Variants in LTBP1 observed in about 807,000 individuals in gnomAD.
LTBP1 encodes the protein latent transforming growth factor beta binding protein 1.
In LTBP1, 129 loss-of-function variants were observed where a neutral mutation model predicts 207.6. The observed-to-expected ratio is 0.62, with a 90% CI of 0.54 to 0.72. LTBP1 has a LOEUF of 0.72. LTBP1 is among the 30% of genes least tolerant of loss of function. The pLI is 0.00. For synonymous variants in LTBP1, 963 were observed against 833.7 expected, an observed-to-expected ratio of 1.16 and a Z score of -2.67; for missense variants, 2,281 against 2,217.2, an observed-to-expected ratio of 1.03 and a Z score of -0.58.
At chr2:33,392,824 G>T (rs963640912) in intron 32 of LTBP1, among the ~76,000 whole-genome samples, 2 of 149,432 alleles carry the variant, frequency 1.3e-5, no homozygotes, top group Admixed American at 1.3e-4. Flanking sequence ...TATTGTCGTA[G>T]ATTAAGTCTT....
chr2:33,180,140 T>A (rs2086469350), intron 5 of LTBP1, among the ~76,000 whole-genome samples: 1 of 152,246 alleles, frequency 6.6e-6, no homozygotes, highest in Non-Finnish European at 1.5e-5. Flanking sequence ...CTTGGACAGG[T>A]TGTTCTGGAT....
At chr2:33,392,619 G>A (rs1243490688) in intron 32 of LTBP1, among the ~76,000 whole-genome samples, 2 of 152,220 alleles carry the variant, frequency 1.3e-5, no homozygotes, top group Non-Finnish European at 2.9e-5. Flanking sequence ...TACAAAAATA[G>A]GTAGCAGGCC....
At chr2:33,226,398 G>C (rs544094087) in intron 9 of LTBP1, among the ~76,000 whole-genome samples, 1 of 152,160 alleles carries the variant, frequency 6.6e-6, no homozygotes, top group Admixed American at 6.5e-5. Flanking sequence ...AGGGTTTTTG[G>C]CTCTGCTCAG....
intron 7 of LTBP1, among the ~76,000 whole-genome samples, chr2:33,216,006 C>A (rs1379718538): frequency 1.3e-5 from 2 of 152,188 alleles, no homozygotes; most frequent in South Asian, 2.1e-4. Flanking sequence ...AGCCACCATG[C>A]CTGGCCCCTC....
At chr2:33,006,122 A>C (rs1686827929) in intron 2 of LTBP1, among the ~76,000 whole-genome samples, 1 of 151,810 alleles carries the variant, frequency 6.6e-6, no homozygotes, top group South Asian at 2.1e-4. Context: ...CATAGTATTT[A>C]AGAGATCGTG....
At chr2:33,338,519 T>C (rs1209346367) in intron 24 of LTBP1, among the ~76,000 whole-genome samples, 4 of 152,186 alleles carry the variant, frequency 2.6e-5, no homozygotes, top group East Asian at 1.9e-4. Context: ...TGAGGTTAAG[T>C]TAAAGGTTCC....
intron 5 of LTBP1, among the ~76,000 whole-genome samples, chr2:33,156,152 T>C (rs1471249853): frequency 6.6e-6 from 1 of 152,156 alleles, no homozygotes; most frequent in Non-Finnish European, 1.5e-5. Flanking sequence ...ATTTTAAAGG[T>C]GAGGAAACTA....
chr2:33,083,799 A>AGCT, intron 3 of LTBP1, among the ~76,000 whole-genome samples: 1 of 152,342 alleles, frequency 6.6e-6, no homozygotes, highest in South Asian at 2.1e-4. Context: ...TCGAGAAACG[A>AGCT]TCAGTGACTG....
chr2:33,279,460 G>GTGTT (rs1286819716), intron 18 of LTBP1, among the ~76,000 whole-genome samples: 1 of 151,714 alleles, frequency 6.6e-6, no homozygotes, highest in Non-Finnish European at 1.5e-5. Flanking sequence ...TCATATCACC[G>GTGTT]TGTTTTCTGG....
intron 10 of LTBP1, among the ~76,000 whole-genome samples, chr2:33,250,636 G>A (rs1573426090): frequency 6.6e-6 from 1 of 152,212 alleles, no homozygotes; most frequent in African/African-American, 2.4e-5. Flanking sequence ...AGAGCCCTTC[G>A]GCCCTCACAG....
At chr2:33,163,607 T>C (rs1178964094) in intron 5 of LTBP1, among the ~76,000 whole-genome samples, 2 of 152,188 alleles carry the variant, frequency 1.3e-5, no homozygotes, top group Non-Finnish European at 2.9e-5. Flanking sequence ...AAAAACGCAT[T>C]ATAGTTAGTT....
chr2:33,019,220 G>GTATAT (rs1558520844), intron 2 of LTBP1, among the ~76,000 whole-genome samples: 1 of 151,628 alleles, frequency 6.6e-6, no homozygotes, highest in Non-Finnish European at 1.5e-5. Flanking sequence ...GACAGCAACA[G>GTATAT]GGCAGCATAG....
intron 3 of LTBP1, among the ~76,000 whole-genome samples, chr2:33,081,780 G>T (rs2078423186): frequency 6.6e-6 from 1 of 152,016 alleles, no homozygotes; most frequent in Non-Finnish European, 1.5e-5. Flanking sequence ...ATTGAATCAT[G>T]GGGGCGGTTA....
At chr2:33,068,917 A>G (rs1572478820) in intron 3 of LTBP1, among the ~76,000 whole-genome samples, 1 of 152,174 alleles carries the variant, frequency 6.6e-6, no homozygotes, top group Non-Finnish European at 1.5e-5. Context: ...GTCTTTATGG[A>G]AAAAGTTTGC....
intron 22 of LTBP1, among the ~76,000 whole-genome samples, chr2:33,302,232 G>T (rs41464348): frequency 6.6e-6 from 1 of 151,958 alleles, no homozygotes; most frequent in Admixed American, 6.6e-5. Context: ...TTTTACCACC[G>T]GTCTGTCACT....
chr2:33,212,173 A>G (rs974910229), intron 7 of LTBP1, among the ~76,000 whole-genome samples: 1 of 152,260 alleles, frequency 6.6e-6, no homozygotes, highest in Non-Finnish European at 1.5e-5. Context: ...GTGTTCATAC[A>G]GATGTGCACA....
chr2:33,319,670 G>T (rs1435496210), intron 24 of LTBP1, among the ~76,000 whole-genome samples: 1 of 152,132 alleles, frequency 6.6e-6, no homozygotes, highest in Non-Finnish European at 1.5e-5. Flanking sequence ...GCAAGGGCTT[G>T]TGTGACTGCC....
chr2:33,145,467 T>C (rs574515378), intron 5 of LTBP1, among the ~76,000 whole-genome samples: 1 of 152,318 alleles, frequency 6.6e-6, no homozygotes, highest in African/African-American at 2.4e-5. Flanking sequence ...TTTACTACAG[T>C]GAGGAAAGCA....
intron 2 of LTBP1, among the ~76,000 whole-genome samples, chr2:33,019,328 CTTTTTTTTTTTT>C (rs58570641): frequency 0.022 from 1,891 of 87,736 alleles, 71 homozygotes; most frequent in African/African-American, 0.076. Context: ...ATGTACACTT[CTTTTTTTTTTTT>C]TTTTTTTTTT....
Sources: allele counts gnomAD v4.1 joint callset (sites outside exome capture counted in the v4.1 genomes callset), GRCh38; gene constraint gnomAD v4.1.1; transcripts MANE v1.5; gene names NCBI Gene and HGNC (gene_info 2026-07-23, HGNC 2026-07-21).